The following GRID1 variants were observed in gnomAD, a reference collection of about 807,000 sequenced individuals.
GRID1 encodes the protein glutamate ionotropic receptor delta type subunit 1, also known as glutamate receptor ionotropic, delta-1.
A neutral mutation model predicts 98.0 loss-of-function variants in GRID1; 28 were observed. The ratio of observed to expected loss-of-function variants is 0.29; its 90% CI spans 0.21 to 0.39. GRID1 has a LOEUF of 0.39. Among genes scored for constraint, GRID1 ranks in the 10% least tolerant of loss-of-function variants. The probability of loss-of-function intolerance (pLI) is 1.00; values close to 1 mark genes in which losing one functional copy is unlikely to be tolerated. For missense variants in GRID1, 1,111 were observed against 1,340.5 expected (o/e 0.83, Z 2.67); for synonymous variants, 553 against 538.5 (o/e 1.03, Z -0.37).
At position 86,020,269 on chromosome 10, in the gene GRID1, C is replaced by A. The variant is rs139756061; in HGVS notation, c.727-104030G>T. Among the ~76,000 whole-genome samples the A allele has an allele frequency of 1.7e-3, 257 of 152,308 alleles. 1 individual carries two copies. The highest frequency in any genetic ancestry group is 5.8e-3 in the African/African-American group (243 of 41,576). ...CTTCACACATTTGCAAAGTGCCAGG[C>A]AGGAGCAAGGATGGAGCCTGGCACA... On this transcript the variant is annotated intron_variant, in intron 4 of 15. Coordinates refer to ENST00000327946, the MANE Select transcript of GRID1 (RefSeq NM_017551.3).
intron 8 of GRID1, among the ~76,000 whole-genome samples, chr10:85,809,917 C>A (rs770952277): frequency 7.2e-5 from 11 of 152,198 alleles, no homozygotes; most frequent in Admixed American, 2.6e-4. Context: ...ACAGTCTTCA[C>A]AATCCCTCAG....
At chr10:85,679,480 A>G (rs1254456988) in intron 12 of GRID1, among the ~76,000 whole-genome samples, 1 of 152,192 alleles carries the variant, frequency 6.6e-6, no homozygotes, top group South Asian at 2.1e-4. Flanking sequence ...CTGTTCCTCA[A>G]CCCAACCTAA....
At chr10:85,649,542 G>A (rs751644014) in intron 12 of GRID1, among the ~76,000 whole-genome samples, 4 of 151,710 alleles carry the variant, frequency 2.6e-5, no homozygotes, top group South Asian at 2.1e-4. Context: ...AAACAAACAC[G>A]AGGCTTTGAT....
Position 85,971,279 on chromosome 10 carries a change from A to C in GRID1, c.727-55040T>G, listed in dbSNP as rs1589318871. ...GAAGATAGCTTCCTTGCCTTAATGT[A>C]GGCATAGATTTTTAAAATAAGACAA... On this transcript the variant is annotated intron_variant, in intron 4 of 15. Transcript: ENST00000327946. 2.6e-5 allele frequency among the ~76,000 whole-genome samples: 4 copies of C among 152,044 alleles called. No individual in the cohort carries two copies. The South Asian group carries it at 8.3e-4, about 31-fold the overall frequency.
At chr10:86,058,644 C>T (rs1054376615) in intron 4 of GRID1, among the ~76,000 whole-genome samples, 8 of 152,162 alleles carry the variant, frequency 5.3e-5, no homozygotes, top group African/African-American at 1.7e-4. Flanking sequence ...CAGAGACCTG[C>T]GGGAGGGGAT....
At chr10:86,184,112 T>A in intron 3 of GRID1, among the ~76,000 whole-genome samples, 1 of 152,240 alleles carries the variant, frequency 6.6e-6, no homozygotes, top group East Asian at 1.9e-4. Flanking sequence ...ACTGTGCTGT[T>A]TATTATTACT....
At chr10:86,334,557 GA>G (rs1292697713) in intron 2 of GRID1, among the ~76,000 whole-genome samples, 1 of 152,182 alleles carries the variant, frequency 6.6e-6, no homozygotes, top group Non-Finnish European at 1.5e-5. Flanking sequence ...TGAAGTAGAA[GA>G]AAGGCATTTA....
chr10:86,330,497 A>G (rs888950300), intron 2 of GRID1, among the ~76,000 whole-genome samples: 1 of 152,182 alleles, frequency 6.6e-6, no homozygotes. Flanking sequence ...AGACCCCTGG[A>G]GACTGCACAG....
At chr10:85,915,987 T>C (rs570779883) in intron 5 of GRID1, among the ~76,000 whole-genome samples, 199 bp downstream of exon 5, 11 of 152,220 alleles carry the variant, frequency 7.2e-5, no homozygotes, top group South Asian at 2.1e-4. Context: ...GTCAGGATTC[T>C]TTCTCTCGTT....
intron 8 of GRID1, among the ~76,000 whole-genome samples, chr10:85,821,169 T>G (rs1842766291): frequency 6.6e-6 from 1 of 151,786 alleles, no homozygotes; most frequent in African/African-American, 2.4e-5. Flanking sequence ...AAAAAGCAAA[T>G]TATATATTAT....
intron 2 of GRID1, among the ~76,000 whole-genome samples, chr10:86,251,500 C>A (rs895697456): frequency 6.6e-6 from 1 of 152,172 alleles, no homozygotes; most frequent in Admixed American, 6.5e-5. Context: ...GTCCCTCAAG[C>A]CTTGCAGGGC....
intron 8 of GRID1, among the ~76,000 whole-genome samples, chr10:85,827,709 C>T (rs1278223946): frequency 2.0e-5 from 3 of 151,496 alleles, no homozygotes; most frequent in Non-Finnish European, 2.9e-5. Context: ...AACGGCATTA[C>T]ATAAATGGTA....
At chr10:85,746,020 G>C (rs567529951) in intron 8 of GRID1, among the ~76,000 whole-genome samples, 1 of 152,334 alleles carries the variant, frequency 6.6e-6, no homozygotes, top group African/African-American at 2.4e-5. Context: ...TGATCACTAT[G>C]TGCTTTCCAA....
intron 12 of GRID1, among the ~76,000 whole-genome samples, chr10:85,704,173 C>T (rs1171303177): frequency 6.6e-6 from 1 of 152,022 alleles, no homozygotes; most frequent in African/African-American, 2.4e-5. Context: ...CACAGACTGG[C>T]AAATTGGATA....
At chr10:86,299,946 T>C (rs1847657761) in intron 2 of GRID1, among the ~76,000 whole-genome samples, 1 of 152,192 alleles carries the variant, frequency 6.6e-6, no homozygotes, top group Non-Finnish European at 1.5e-5. Flanking sequence ...CTTGGCTAAA[T>C]AGTGTTCTCC....
chr10:85,743,048 G>A (rs1841960066), intron 8 of GRID1, among the ~76,000 whole-genome samples: 1 of 133,848 alleles, frequency 7.5e-6, no homozygotes, highest in Admixed American at 8.7e-5. Flanking sequence ...CCACCAGTGT[G>A]ATAACCAAAA....
chr10:85,602,832 G>A, intron 15 of GRID1, 131 bp from the exon 16 acceptor site: 4 of 638,556 alleles, frequency 6.3e-6, no homozygotes, highest in Non-Finnish European at 1.1e-5. Context: ...TCCCTTTCAT[G>A]TGGCTCCCAC....
intron 8 of GRID1, among the ~76,000 whole-genome samples, chr10:85,759,188 G>A (rs1462047405): frequency 6.6e-6 from 1 of 152,168 alleles, no homozygotes; most frequent in Non-Finnish European, 1.5e-5. Context: ...GACTACAGAG[G>A]TGTTGTCTTC....
intron 2 of GRID1, among the ~76,000 whole-genome samples, chr10:86,271,486 T>C (rs1316475642): frequency 1.3e-5 from 2 of 152,262 alleles, no homozygotes; most frequent in East Asian, 3.9e-4. Context: ...CTGAAACAGA[T>C]GTTGGAATTA....
Sources: allele counts gnomAD v4.1 joint callset (sites outside exome capture counted in the v4.1 genomes callset), GRCh38; gene constraint gnomAD v4.1.1; transcripts MANE v1.5; gene names NCBI Gene and HGNC (gene_info 2026-07-23, HGNC 2026-07-21).